TMPRSS15: variants seen among roughly 807,000 people sequenced by gnomAD.
TMPRSS15 encodes the protein enteropeptidase.
TMPRSS15 carries 128 observed loss-of-function variants against 125.3 expected under a neutral mutation model. That is an observed-to-expected ratio of 1.02 (90% CI 0.89 to 1.18). The LOEUF is 1.18. Ranked by LOEUF, TMPRSS15 falls within the 50% of genes most tolerant of loss-of-function variation. TMPRSS15 has a pLI of 0.00. For synonymous variants in TMPRSS15, 446 were observed against 423.2 expected (o/e 1.05, Z -0.66); for missense variants, 1,283 against 1,212.7 (o/e 1.06, Z -0.86).
Position 18,280,575 on chromosome 21 carries a change from C to CAAAAAAAAAAAAAAAAAAAAAAAAAAAAA in TMPRSS15, c.2668+464_2668+465insTTTTTTTTTTTTTTTTTTTTTTTTTTTTT, listed in dbSNP as rs1230513414. ...TGGGCAACAGAGCGAGACTCCGTCT[C>CAAAAAAAAAAAAAAAAAAAAAAAAAAAAA]AAAAAAAAAAAAAAAAAAAACAACA... is the stretch of plus-strand genomic sequence containing the variant. On this transcript the variant is annotated intron_variant, in intron 22 of 24. Transcript: ENST00000284885. Among the ~76,000 whole-genome samples the CAAAAAAAAAAAAAAAAAAAAAAAAAAAAA allele has an allele frequency of 2.1e-4, 10 of 48,360 alleles. 1 individual carries two copies. Among genetic ancestry groups the CAAAAAAAAAAAAAAAAAAAAAAAAAAAAA allele is most frequent in the African/African-American group, 8.4e-4 (9 of 10,662 alleles). 31.7% of individuals were successfully genotyped at this position (48,360 alleles called of 152,430 possible). A position where few individuals can be genotyped will look rare whatever the true frequency, so the allele number is the denominator to read the frequency against.
chr21:18,369,013 A>T lies in TMPRSS15; in HGVS notation c.664+3180T>A, dbSNP rs56229305. ...GTTTTCAGGAAAAAATATATGACCC[A>T]GTTGTGGATGAGTAGGATGACTGGG... On this transcript the variant is annotated intron_variant, in intron 6 of 24. Transcript: ENST00000284885. Among the ~76,000 whole-genome samples, 1,181 of 152,190 alleles carry T rather than the reference A, an allele frequency of 7.8e-3. 20 individuals carry two copies. Among genetic ancestry groups the T allele is most frequent in the African/African-American group, 0.027 (1,111 of 41,534 alleles).
chr21:18,398,061 A>G (rs2076056241), intron 2 of TMPRSS15, 115 bp from the exon 3 acceptor site: 1 of 1,251,856 alleles, frequency 8.0e-7, no homozygotes, highest in Non-Finnish European at 1.1e-6. Context: ...AATTTTCTCC[A>G]TAGTAATGGG....
intron 1 of TMPRSS15, among the ~76,000 whole-genome samples, chr21:18,419,211 A>C (rs1411826779): frequency 6.8e-6 from 1 of 147,024 alleles, no homozygotes; most frequent in African/African-American, 2.5e-5. Flanking sequence ...GCAATATGTG[A>C]CATTTCCTCT....
intron 1 of TMPRSS15, among the ~76,000 whole-genome samples, chr21:18,413,132 A>AAAGC (rs1461966911): frequency 6.6e-6 from 1 of 152,042 alleles, no homozygotes; most frequent in Non-Finnish European, 1.5e-5. Flanking sequence ...TTTCAATAAA[A>AAAGC]TTGTAACTAT....
chr21:18,367,302 C>A (rs534945204), intron 6 of TMPRSS15, among the ~76,000 whole-genome samples: 5 of 152,236 alleles, frequency 3.3e-5, no homozygotes, highest in Admixed American at 1.3e-4. Context: ...ATTACTGCAA[C>A]AAACAAAGAA....
chr21:18,447,978 G>A (rs556050342), intron 1 of TMPRSS15, among the ~76,000 whole-genome samples: 1 of 152,240 alleles, frequency 6.6e-6, no homozygotes, highest in East Asian at 1.9e-4. Context: ...ATGCTGGTGA[G>A]GATGTGGAGA....
At chr21:18,346,587 C>T (rs2824756) in intron 10 of TMPRSS15, among the ~76,000 whole-genome samples, 87,070 of 151,932 alleles carry the variant, frequency 0.57, 25,093 homozygotes, top group East Asian at 0.76. Context: ...ATTTGAGAAG[C>T]CGTCAATTAG....
At chr21:18,329,761 T>TA (rs1344431034) in intron 14 of TMPRSS15, among the ~76,000 whole-genome samples, 3 of 151,618 alleles carry the variant, frequency 2.0e-5, no homozygotes, top group Non-Finnish European at 4.4e-5. Context: ...TTTAGTTCAT[T>TA]AAAAAAACAA....
intron 17 of TMPRSS15, among the ~76,000 whole-genome samples, chr21:18,313,766 A>G (rs2146937722): frequency 6.6e-6 from 1 of 152,160 alleles, no homozygotes; most frequent in East Asian, 1.9e-4. Context: ...GTTTATTACA[A>G]ATCTATACAG....
At chr21:18,417,773 TA>T (rs1403770586) in intron 1 of TMPRSS15, among the ~76,000 whole-genome samples, 1 of 152,010 alleles carries the variant, frequency 6.6e-6, no homozygotes, top group Non-Finnish European at 1.5e-5. Flanking sequence ...ATTAAGAAAA[TA>T]ATTAGGAGAA....
At chr21:18,343,381 G>A in intron 12 of TMPRSS15, 125 bp downstream of exon 12, 1 of 873,338 alleles carries the variant, frequency 1.1e-6, no homozygotes, top group South Asian at 1.7e-5. Flanking sequence ...AGGTAGATTG[G>A]GCAAGTAGAG....
At chr21:18,324,677 G>A (rs1205696791) in intron 16 of TMPRSS15, among the ~76,000 whole-genome samples, 2 of 151,992 alleles carry the variant, frequency 1.3e-5, no homozygotes, top group Non-Finnish European at 2.9e-5. Context: ...GTGTTTTTCT[G>A]TCAACTAAAG....
At chr21:18,413,268 C>T (rs1179448832) in intron 1 of TMPRSS15, among the ~76,000 whole-genome samples, 1 of 127,828 alleles carries the variant, frequency 7.8e-6, no homozygotes, top group Non-Finnish European at 1.6e-5. Flanking sequence ...CTTTCTTTCT[C>T]TTTCTTTTTC....
intron 18 of TMPRSS15, among the ~76,000 whole-genome samples, chr21:18,303,293 C>T (rs528948939): frequency 2.0e-5 from 3 of 147,406 alleles, no homozygotes; most frequent in African/African-American, 7.6e-5. Context: ...TTTTGGAAAA[C>T]AGATAATGGA....
At chr21:18,346,630 G>C (rs1033925875) in intron 10 of TMPRSS15, among the ~76,000 whole-genome samples, 3 of 152,076 alleles carry the variant, frequency 2.0e-5, no homozygotes, top group Non-Finnish European at 2.9e-5. Context: ...TTAAAGTATG[G>C]AAACTCACAT....
intron 1 of TMPRSS15, among the ~76,000 whole-genome samples, chr21:18,468,969 G>T (rs1601473836): frequency 6.6e-6 from 1 of 152,120 alleles, no homozygotes; most frequent in Admixed American, 6.6e-5. Context: ...CTGAATGAAA[G>T]AAATCATTCT....
Position 18,344,048 on chromosome 21 carries a change from G to A in TMPRSS15, c.1184C>T (p.Ser395Phe). The change falls in exon 11 of 25, where the codon TCT (serine) becomes TTT (phenylalanine). Residue 395 changes from serine (S) to phenylalanine (F), a missense_variant. Physicochemically the swap from Ser to Phe is radical, Grantham distance 155. Transcript: ENST00000284885. The part of the protein sequence containing the change: ...TFGNASGFYI[S>F]TPTGPGGRQE... ...TCTCCCTCCTGGTCCAGTTGGGGTA[G>A]AAATGTAAAATCCTGTAAAAATATC... 4 of 1,613,496 alleles carry A rather than the reference G, an allele frequency of 2.5e-6. No homozygotes were observed. In the South Asian group the frequency reaches 3.3e-5, roughly 13 times the overall value.
intron 1 of TMPRSS15, among the ~76,000 whole-genome samples, chr21:18,449,279 G>T (rs567759587): frequency 6.6e-6 from 1 of 152,034 alleles, no homozygotes; most frequent in South Asian, 2.1e-4. Context: ...ATATTCAATC[G>T]TATCTAATGC....
At chr21:18,400,140 A>G (rs11702128) in intron 1 of TMPRSS15, among the ~76,000 whole-genome samples, 55,323 of 151,942 alleles carry the variant, frequency 0.36, 10,493 homozygotes, top group East Asian at 0.58. Flanking sequence ...TGTTAAAATG[A>G]CCATACTGCC....
Sources: allele counts gnomAD v4.1 joint callset (sites outside exome capture counted in the v4.1 genomes callset), GRCh38; gene constraint gnomAD v4.1.1; transcripts MANE v1.5; gene names NCBI Gene and HGNC (gene_info 2026-07-23, HGNC 2026-07-21).